WDPCP: variants seen among roughly 807,000 people sequenced by gnomAD.
The protein encoded by WDPCP is WD repeat-containing and planar cell polarity effector protein fritz homolog.
A neutral mutation model predicts 93.1 loss-of-function variants in WDPCP; 71 were observed. The ratio of observed to expected loss-of-function variants is 0.76; its 90% CI spans 0.63 to 0.93. The LOEUF is 0.93. Among genes scored for constraint, WDPCP ranks in the 40% least tolerant of loss-of-function variants. The pLI is 0.00. For missense variants in WDPCP, 844 were observed against 887.4 expected (o/e 0.95, Z 0.62); for synonymous variants, 315 against 315.0 (o/e 1.00, Z 0.00).
chr2:63,320,180 T>C (rs935068366), intron 12 of WDPCP, among the ~76,000 whole-genome samples: 1 of 152,090 alleles, frequency 6.6e-6, no homozygotes, highest in Non-Finnish European at 1.5e-5. Context: ...TGGAATAACA[T>C]GTTTGAAGTA....
intron 17 of WDPCP, among the ~76,000 whole-genome samples, chr2:63,128,985 A>G (rs1319975433): frequency 6.6e-6 from 1 of 152,196 alleles, no homozygotes; most frequent in Non-Finnish European, 1.5e-5. Flanking sequence ...TTGTGTCTCT[A>G]AGAATTTGAC....
chr2:63,523,638 G>A (rs906846711), intron 1 of WDPCP, among the ~76,000 whole-genome samples: 2 of 152,198 alleles, frequency 1.3e-5, no homozygotes, highest in Non-Finnish European at 2.9e-5. Flanking sequence ...CAGGCTGGGC[G>A]CAGTGGCTCA....
chr2:63,362,288 T>G (rs1402130177), intron 12 of WDPCP, among the ~76,000 whole-genome samples: 2 of 127,866 alleles, frequency 1.6e-5, no homozygotes, highest in Non-Finnish European at 1.6e-5. Context: ...TGTGTGTGTG[T>G]GTGTGTGTGT....
chr2:63,310,271 T>C (rs1169157396), intron 13 of WDPCP, among the ~76,000 whole-genome samples: 1 of 152,128 alleles, frequency 6.6e-6, no homozygotes, highest in Non-Finnish European at 1.5e-5. Flanking sequence ...ATGCAGCTAA[T>C]AACTGAGAGA....
At position 63,338,568 on chromosome 2, in the gene WDPCP, AAATATATATATATAT is replaced by A. The variant is rs1310100801; in HGVS notation, c.1749-25272_1749-25258del. On this transcript the variant is annotated intron_variant, in intron 12 of 17. Coordinates refer to ENST00000272321, the MANE Select transcript of WDPCP (RefSeq NM_015910.7). ...ACTCCATCTAAAAAAAAAAAAAAAA[AAATATATATATATAT>A]ATATATATATATATATATATATATA... is the stretch of plus-strand genomic sequence containing the variant. Among the ~76,000 whole-genome samples, 8 of 7,660 alleles carry A rather than the reference AAATATATATATATAT, an allele frequency of 1.0e-3. 1 individual carries two copies. Among genetic ancestry groups the A allele is most frequent in the Admixed American group, 4.7e-3 (2 of 424 alleles). 5.0% of individuals were successfully genotyped at this position (7,660 alleles called of 152,430 possible). A position where few individuals can be genotyped will look rare whatever the true frequency, so the allele number is the denominator to read the frequency against.
intron 14 of WDPCP, among the ~76,000 whole-genome samples, chr2:63,213,228 G>A (rs1430971428): frequency 6.6e-6 from 1 of 152,126 alleles, no homozygotes; most frequent in East Asian, 1.9e-4. Context: ...TGGAAGTAAA[G>A]CACTCCTCAG....
intron 2 of WDPCP, chr2:63,717,935 T>G (rs951386579): frequency 6.6e-6 from 1 of 152,350 alleles, no homozygotes; most frequent in African/African-American, 2.4e-5. Context: ...GGAAACTGAC[T>G]ACCAGAAAGT....
At chr2:63,269,666 G>C (rs1226023161) in intron 13 of WDPCP, among the ~76,000 whole-genome samples, 1 of 152,096 alleles carries the variant, frequency 6.6e-6, no homozygotes. Context: ...TCTAATTTGT[G>C]AAATGTTCCT....
At chr2:63,172,769 A>G (rs1356422178) in intron 15 of WDPCP, among the ~76,000 whole-genome samples, 3 of 152,218 alleles carry the variant, frequency 2.0e-5, no homozygotes, top group Non-Finnish European at 4.4e-5. Context: ...ATTCTGGTAC[A>G]TCGGAGCATG....
At chr2:63,141,426 G>T (rs1574707126) in intron 17 of WDPCP, among the ~76,000 whole-genome samples, 1 of 152,154 alleles carries the variant, frequency 6.6e-6, no homozygotes, top group Admixed American at 6.5e-5. Context: ...TTATTGGCTT[G>T]CATATGTTAA....
At chr2:63,327,326 G>A (rs995924423) in intron 12 of WDPCP, among the ~76,000 whole-genome samples, 1 of 152,156 alleles carries the variant, frequency 6.6e-6, no homozygotes, top group Non-Finnish European at 1.5e-5. Context: ...TGGACTGAAT[G>A]AGGTTTTATT....
intron 14 of WDPCP, among the ~76,000 whole-genome samples, chr2:63,230,779 G>C (rs528615469): frequency 6.6e-6 from 1 of 152,116 alleles, no homozygotes; most frequent in African/African-American, 2.4e-5. Context: ...CTTTTTGATG[G>C]GGTTGATTTT....
At chr2:63,157,666 T>C (rs1446350863) in intron 15 of WDPCP, among the ~76,000 whole-genome samples, 2 of 152,190 alleles carry the variant, frequency 1.3e-5, no homozygotes, top group Non-Finnish European at 2.9e-5. Flanking sequence ...GTTAAACTTA[T>C]TTGCATACAG....
intron 3 of WDPCP, among the ~76,000 whole-genome samples, chr2:63,614,265 T>C (rs111570009): frequency 3.5e-4 from 53 of 152,344 alleles, no homozygotes; most frequent in African/African-American, 1.1e-3. Flanking sequence ...ATATTTTGTA[T>C]GGCTTCTGTA....
At chr2:63,671,108 G>A (rs1200573620) in intron 2 of WDPCP, among the ~76,000 whole-genome samples, 1 of 152,148 alleles carries the variant, frequency 6.6e-6, no homozygotes, top group Admixed American at 6.5e-5. Flanking sequence ...AGACTGCCCA[G>A]GAGGGTAGCT....
At chr2:63,349,402 A>C (rs1689421945) in intron 12 of WDPCP, among the ~76,000 whole-genome samples, 1 of 152,156 alleles carries the variant, frequency 6.6e-6, no homozygotes. Flanking sequence ...TTAATTTAAA[A>C]CCCATCCTAA....
chr2:63,396,375 A>T (rs1416469228), intron 10 of WDPCP, among the ~76,000 whole-genome samples: 1 of 152,210 alleles, frequency 6.6e-6, no homozygotes, highest in Non-Finnish European at 1.5e-5. Context: ...ACACACATAC[A>T]CACGTTGCCT....
chr2:63,729,269 CT>C (rs1669528376), intron 2 of WDPCP, among the ~76,000 whole-genome samples: 1 of 152,016 alleles, frequency 6.6e-6, no homozygotes, highest in Admixed American at 6.6e-5. Flanking sequence ...TTAATAGATG[CT>C]GTATTAAATC....
At chr2:63,302,369 T>G (rs1227021542) in intron 13 of WDPCP, among the ~76,000 whole-genome samples, 2 of 152,198 alleles carry the variant, frequency 1.3e-5, no homozygotes. Flanking sequence ...CAAATACCAT[T>G]CCCAGTAGGA....
Sources: allele counts gnomAD v4.1 joint callset (sites outside exome capture counted in the v4.1 genomes callset), GRCh38; gene constraint gnomAD v4.1.1; transcripts MANE v1.5; gene names NCBI Gene and HGNC (gene_info 2026-07-23, HGNC 2026-07-21).